Variants in RTF2 observed in about 807,000 individuals in gnomAD.
The protein encoded by RTF2 is replication termination factor 2.
Under a neutral mutation model 38.0 loss-of-function variants are expected in RTF2, and 18 were observed. The observed-to-expected ratio is 0.47, with a 90% CI of 0.33 to 0.70. The LOEUF (loss-of-function observed/expected upper bound fraction) is 0.70. Among genes scored for constraint, RTF2 ranks in the 30% least tolerant of loss-of-function variants. RTF2 has a pLI of 0.02. For missense variants in RTF2, 311 were observed against 379.6 expected (o/e 0.82, Z 1.50); for synonymous variants, 126 against 137.1 (o/e 0.92, Z 0.57).
chr20:56,510,809 G>T (rs138325095), intron 5 of RTF2, among the ~76,000 whole-genome samples: 1 of 152,114 alleles, frequency 6.6e-6, no homozygotes. Context: ...GCATGGTGGC[G>T]CACACCTATA....
chr20:56,487,889 A>G (rs577724372), intron 5 of RTF2, among the ~76,000 whole-genome samples: 1 of 152,296 alleles, frequency 6.6e-6, no homozygotes, highest in Admixed American at 6.5e-5. Flanking sequence ...TTATTAGGAC[A>G]CCAGTCCCGG....
intron 4 of RTF2, among the ~76,000 whole-genome samples, chr20:56,480,088 G>A (rs1212883154): frequency 2.6e-5 from 4 of 152,118 alleles, no homozygotes; most frequent in Non-Finnish European, 5.9e-5. Context: ...CTCCTTTTTA[G>A]CAGTAGAAGT....
chr20:56,494,618 C>A (rs887608676), intron 5 of RTF2, among the ~76,000 whole-genome samples: 1 of 152,192 alleles, frequency 6.6e-6, no homozygotes, highest in African/African-American at 2.4e-5. Flanking sequence ...TGAAAAAACC[C>A]CTTCACTAGA....
chr20:56,513,229 T>G, intron 5 of RTF2, 86 bp from the exon 6 acceptor site: 1 of 1,513,868 alleles, frequency 6.6e-7, no homozygotes, highest in Non-Finnish European at 8.9e-7. Context: ...TGGGGGCCAC[T>G]GCTTGGGGCT....
chr20:56,480,762 G>A (rs1245925331), intron 4 of RTF2, among the ~76,000 whole-genome samples: 29 of 152,182 alleles, frequency 1.9e-4, no homozygotes, highest in Non-Finnish European at 2.9e-5. Flanking sequence ...AACTGAGAAG[G>A]AGAGAGATGG....
Position 56,497,519 on chromosome 20 carries a change from A to G in RTF2, c.477+13330A>G, listed in dbSNP as rs373579514. ...GGGCAGGTTCTTCTTCTGATTCTGCAGGAGTTGGATTCCTTAAGTAAAGAA... is the reference window on the plus strand; with the variant it reads ...GGGCAGGTTCTTCTTCTGATTCTGCGGGAGTTGGATTCCTTAAGTAAAGAA... On this transcript the variant is annotated intron_variant, in intron 5 of 8. Transcript: ENST00000357348. The G allele has an allele frequency of 4.1e-4, 592 of 1,457,890 alleles. 2 individuals carry two copies. In the African/African-American group the frequency reaches 5.1e-3, roughly 12 times the overall value. The allele number at this position is 1,457,890 out of a possible 1,614,324, so 90.3% of individuals were successfully genotyped here.
intron 4 of RTF2, among the ~76,000 whole-genome samples, chr20:56,481,608 T>TATATATATACAC (rs1982528274): frequency 6.6e-6 from 1 of 151,646 alleles, no homozygotes; most frequent in Non-Finnish European, 1.5e-5. Flanking sequence ...TGTGTGTGTT[T>TATATATATACAC]GCATATATAT....
At chr20:56,491,204 A>G (rs951314572) in intron 5 of RTF2, among the ~76,000 whole-genome samples, 1 of 152,218 alleles carries the variant, frequency 6.6e-6, no homozygotes, top group Admixed American at 6.5e-5. Context: ...TATCTCATAC[A>G]CAGTAGTATC....
chr20:56,484,860 C>T (rs968264502), intron 5 of RTF2, among the ~76,000 whole-genome samples: 2 of 150,230 alleles, frequency 1.3e-5, no homozygotes, highest in African/African-American at 4.9e-5. Context: ...CTTCATTTAA[C>T]GTCATGGATG....
chr20:56,496,628 G>T (rs1183496616), intron 5 of RTF2: 17 of 1,476,584 alleles, frequency 1.2e-5, no homozygotes, highest in Non-Finnish European at 1.4e-5. Flanking sequence ...ATATCGGTGG[G>T]TCTTTCTTAC....
chr20:56,491,694 G>T (rs1205714251), intron 5 of RTF2: 1 of 1,552,256 alleles, frequency 6.4e-7, no homozygotes, highest in Non-Finnish European at 8.7e-7. Flanking sequence ...TCTGTCGAGG[G>T]TTCGAATTTG....
Position 56,483,960 on chromosome 20 carries a change from G to T in RTF2, c.399-151G>T, listed in dbSNP as rs529326005. 31 of 494,358 alleles carry T rather than the reference G, an allele frequency of 6.3e-5. No individual in the cohort carries two copies. In the South Asian group the frequency reaches 1.1e-3, roughly 18 times the overall value. The allele number at this position is 494,358 out of a possible 1,614,324, so 30.6% of individuals were successfully genotyped here. ...TAACTGATTTATTTCTTTTTTTCCT[G>T]CCCCTTTTCTATGAGAACGTACTGA... is the stretch of plus-strand genomic sequence containing the variant. On this transcript the variant is annotated intron_variant, in intron 4 of 8. Coordinates refer to ENST00000357348, the MANE Select transcript of RTF2 (RefSeq NM_016407.5).
At chr20:56,492,799 G>A (rs1983246964) in intron 5 of RTF2, among the ~76,000 whole-genome samples, 1 of 152,042 alleles carries the variant, frequency 6.6e-6, no homozygotes, top group African/African-American at 2.4e-5. Context: ...AAGGAGGTCT[G>A]TTTATTTCAG....
At chr20:56,496,670 T>G (rs1173298975) in intron 5 of RTF2, 2 of 1,540,058 alleles carry the variant, frequency 1.3e-6, no homozygotes, top group Non-Finnish European at 1.8e-6. Flanking sequence ...CCCAGTAGTG[T>G]TGCTCTGGGC....
intron 5 of RTF2, chr20:56,495,318 G>A (rs1475493860): frequency 5.9e-6 from 9 of 1,523,834 alleles, no homozygotes; most frequent in African/African-American, 2.8e-5. Context: ...AACAAAACCA[G>A]CATTCAGTGT....
intron 5 of RTF2, among the ~76,000 whole-genome samples, chr20:56,504,658 C>T (rs1984145688): frequency 6.6e-6 from 1 of 152,194 alleles, no homozygotes. Context: ...CCTTCTTTCT[C>T]CACCTCTGGG....
intron 1 of RTF2, chr20:56,472,228 A>G: frequency 1.3e-6 from 1 of 767,484 alleles, no homozygotes; most frequent in East Asian, 2.8e-5. Context: ...CTCAAAAAAT[A>G]AATTAATAAA....
chr20:56,511,636 TG>T (rs1461104581), intron 5 of RTF2, among the ~76,000 whole-genome samples: 1 of 152,074 alleles, frequency 6.6e-6, no homozygotes, highest in Non-Finnish European at 1.5e-5. Context: ...TAACTCTCTG[TG>T]GGGGGGCCAT....
intron 6 of RTF2, among the ~76,000 whole-genome samples, 187 bp downstream of exon 6, chr20:56,513,615 C>A (rs552110475): frequency 2.0e-5 from 3 of 152,132 alleles, no homozygotes; most frequent in Non-Finnish European, 4.4e-5. Flanking sequence ...GTGGTGAGCA[C>A]GGCGGCTCTG....
Sources: gnomAD v4.1 joint callset for allele counts (sites outside exome capture counted in the v4.1 genomes callset) on GRCh38, gnomAD v4.1.1 for gene constraint, MANE v1.5 for transcripts, NCBI Gene and HGNC (gene_info 2026-07-23, HGNC 2026-07-21) for gene names.